Variants in NT5C observed in about 807,000 individuals in gnomAD.
NT5C encodes 5', 3'-nucleotidase, cytosolic, also known as 5'(3')-deoxyribonucleotidase, cytosolic type.
In NT5C, 14 loss-of-function variants were observed where a neutral mutation model predicts 17.6. That is an observed-to-expected ratio of 0.79 (90% CI 0.52 to 1.24). The LOEUF (loss-of-function observed/expected upper bound fraction) is 1.24, where lower values mean the gene tolerates loss of function less well. Among genes scored for constraint, NT5C ranks in the 50% most tolerant of loss-of-function variants. The probability of loss-of-function intolerance (pLI) is 0.00; values close to 1 mark genes in which losing one functional copy is unlikely to be tolerated. For synonymous variants in NT5C, 153 were observed against 119.2 expected, an observed-to-expected ratio of 1.28 and a Z score of -1.85; for missense variants, 328 against 278.3, an observed-to-expected ratio of 1.18 and a Z score of -1.27.
At position 75,131,615 on chromosome 17, in the gene NT5C, A is replaced by G. The variant is rs1568023155; in HGVS notation, c.93T>C (p.Pro31=). The G allele has an allele frequency of 4.3e-6, 6 of 1,387,364 alleles. No individual in the cohort carries two copies. Among genetic ancestry groups the G allele is most frequent in the Non-Finnish European group, 4.7e-6 (5 of 1,075,124 alleles). 85.9% of individuals were successfully genotyped at this position (1,387,364 alleles called of 1,614,324 possible). The stretch of plus-strand genomic sequence containing the variant: ...GCTCCAGCGGCACGTGCGGCTCCTC[A>G]GGGAAGCGGCGGCGGAAGCCCCGCA... ...GLLRGFRRRF[P]EEPHVPLEQR... The change falls in exon 1 of 5, where the codon CCT becomes CCC. Residue 31 remains proline (P), a synonymous_variant. Transcript: ENST00000245552.
chr17:75,130,312 C>T lies in NT5C; in HGVS notation c.*176G>A, dbSNP rs2074095669. On this transcript the variant is annotated 3_prime_UTR_variant, in exon 5 of 5. Transcript: ENST00000245552. The stretch of plus-strand genomic sequence containing the variant: ...CAGCCAGGGTCCAGGGACAGCCTCT[C>T]GGGAGGTACCGGGTGGCTGGGCCTG... 1 of 698,116 alleles carries T rather than the reference C, an allele frequency of 1.4e-6. No individual in the cohort carries two copies. 43.2% of individuals were successfully genotyped at this position (698,116 alleles called of 1,614,324 possible). A position where few individuals can be genotyped will look rare whatever the true frequency, so the allele number is the denominator to read the frequency against.
intron 1 of NT5C, 25 bp downstream of exon 1, chr17:75,131,509 C>G: frequency 7.1e-7 from 1 of 1,417,306 alleles, no homozygotes; most frequent in Non-Finnish European, 9.2e-7. Flanking sequence ...GGGCCCTGCC[C>G]GGGTGGGGAC....
At position 75,130,733 on chromosome 17, in the gene NT5C, C is replaced by T. The variant is rs372767090; in HGVS notation, c.451+20G>A. ...GGGCAGGCCAGAGGCCTGGAGGCTG[C>T]CAAGGATAACGGGTCCAACCTCGAA... is the stretch of plus-strand genomic sequence containing the variant. On this transcript the variant is annotated intron_variant, in intron 4 of 4. Transcript: ENST00000245552. 2 of 1,613,790 alleles carry T rather than the reference C, an allele frequency of 1.2e-6. No homozygotes were observed. The highest frequency in any genetic ancestry group is 2.2e-5 in the East Asian group (1 of 44,884).
chr17:75,131,485 G>A (rs1217123914), intron 1 of NT5C, 49 bp downstream of exon 1: 1 of 1,433,016 alleles, frequency 7.0e-7, no homozygotes, highest in East Asian at 2.5e-5. Context: ...GGAGACCCCC[G>A]GAACGGAGCG....
In NT5C at chr17:75,131,669, G is replaced by A. The variant is rs777353709; in HGVS notation, c.39C>T (p.Gly13=). The part of the protein sequence containing the change: ...RSVRVLVDMD[G]VLADFEAGLL... ...GGCCGGCCTCGAAGTCGGCCAGGACGCCGTCCATGTCCACCAGCACGCGCA... is the reference window on the plus strand; with the variant it reads ...GGCCGGCCTCGAAGTCGGCCAGGACACCGTCCATGTCCACCAGCACGCGCA... The change falls in exon 1 of 5, where the codon GGC becomes GGT. Residue 13 remains glycine (G), a synonymous_variant. Coordinates refer to ENST00000245552, the MANE Select transcript of NT5C (RefSeq NM_014595.3). The A allele has an allele frequency of 5.9e-5, 79 of 1,336,778 alleles. No individual in the cohort carries two copies. The African/African-American group carries it at 6.4e-4, about 11-fold the overall frequency. 82.8% of individuals were successfully genotyped at this position (1,336,778 alleles called of 1,614,324 possible). A position where few individuals can be genotyped will look rare whatever the true frequency, so the allele number is the denominator to read the frequency against.
At chr17:75,130,724 T>C in intron 4 of NT5C, 29 bp downstream of exon 4, 1 of 1,613,884 alleles carries the variant, frequency 6.2e-7, no homozygotes, top group Non-Finnish European at 8.5e-7. Context: ...GCCAGAGGCC[T>C]GGAGGCTGCC....
In NT5C at chr17:75,131,170, TCTC is replaced by T. The variant is rs766429585; in HGVS notation, c.275+8_275+10del. The T allele has an allele frequency of 1.2e-6, 2 of 1,612,652 alleles. No homozygotes were observed. The highest frequency in any genetic ancestry group is 2.7e-5 in the African/African-American group (2 of 74,838). On this transcript the variant is annotated splice_region_variant and intron_variant, in intron 2 of 4. Coordinates refer to ENST00000245552, the MANE Select transcript of NT5C (RefSeq NM_014595.3). ...CCGCCCAGGACTCCGCCCGCCCCCC[TCTC>T]TCCTTACTCCGGTAGGTCGTTCATC...
chr17:75,130,548 G>C lies in NT5C; in HGVS notation c.546C>G (p.Ser182=). The C allele has an allele frequency of 6.2e-7, 1 of 1,614,200 alleles. No homozygotes were observed. The highest frequency in any genetic ancestry group is 8.5e-7 in the Non-Finnish European group (1 of 1,180,038). The change falls in exon 5 of 5, where the codon TCC becomes TCG. Residue 182 remains serine, a synonymous_variant. Coordinates refer to ENST00000245552, the MANE Select transcript of NT5C (RefSeq NM_014595.3). ...AGATCTCCCTCCAGTTGTCACTCCA[G>C]GAGAGCAGCCGTCTCCTTGTCGGGG... ...VLPPTRRRLL[S]WSDNWREILD...
At chr17:75,131,446 G>A (rs1035545629) in intron 1 of NT5C, 88 bp downstream of exon 1, 3 of 1,416,322 alleles carry the variant, frequency 2.1e-6, no homozygotes, top group African/African-American at 2.9e-5. Context: ...GTTCCAGGGT[G>A]AGAGCTCTGC....
chr17:75,130,503 A>G lies in NT5C; in HGVS notation c.591T>C (p.Ala197=). The part of the protein sequence containing the change: ...WREILDSKRG[A]AQRE ...GCATCCCCGCTCATTCCCGCTGCGC[A>G]GCTCCGCGCTTGCTATCTAAGATCT... Residue 197 remains alanine, a synonymous_variant, in exon 5 of 5, where the codon GCT becomes GCC. Transcript: ENST00000245552. 6.2e-7 allele frequency: 1 copy of G among 1,613,964 alleles called. No homozygotes were observed. Among genetic ancestry groups the G allele is most frequent in the Non-Finnish European group, 8.5e-7 (1 of 1,179,948 alleles).
rs1325198398 is a variant in NT5C at position 75,130,537 on chromosome 17, T to G, written c.557A>C (p.Asn186Thr). Residue 186 changes from asparagine (N) to threonine (T), a missense_variant, in exon 5 of 5, where the codon AAC becomes ACC. Asn to Thr is a moderately conservative substitution (Grantham distance 65). Coordinates refer to ENST00000245552, the MANE Select transcript of NT5C (RefSeq NM_014595.3). ...TRRRLLSWSD[N>T]WREILDSKRG... is the part of the protein sequence containing the mutation. ...CTTGCTATCTAAGATCTCCCTCCAG[T>G]TGTCACTCCAGGAGAGCAGCCGTCT... is the stretch of plus-strand genomic sequence containing the variant. 6.2e-7 allele frequency: 1 copy of G among 1,614,156 alleles called. No homozygotes were observed. The highest frequency in any genetic ancestry group is 1.1e-5 in the South Asian group (1 of 91,090).
chr17:75,131,204 C>T lies in NT5C; in HGVS notation c.252G>A (p.Val84=). ...ACTCCGGTAGGTCGTTCATCTCCCGCACAGCGTCCAAGGCTCCCGGGATGG... is the reference window on the plus strand; with the variant it reads ...ACTCCGGTAGGTCGTTCATCTCCCGTACAGCGTCCAAGGCTCCCGGGATGG... The part of the protein sequence containing the change: ...LEPIPGALDA[V]REMNDLPDTQ... The change falls in exon 2 of 5, where the codon GTG becomes GTA. Residue 84 remains valine, a synonymous_variant. Coordinates refer to ENST00000245552, the MANE Select transcript of NT5C (RefSeq NM_014595.3). The T allele has an allele frequency of 1.2e-6, 2 of 1,613,910 alleles. No homozygotes were observed. The highest frequency in any genetic ancestry group is 1.7e-6 in the Non-Finnish European group (2 of 1,180,026).
rs896147757 is a variant in NT5C at position 75,130,474 on chromosome 17, C to T, written c.*14G>A. ...CCTTCCTTTAGCTCCAGCTGCTGCC[C>T]GCGGCATCCCCGCTCATTCCCGCTG... On this transcript the variant is annotated 3_prime_UTR_variant, in exon 5 of 5. Transcript: ENST00000245552. The T allele has an allele frequency of 2.5e-6, 4 of 1,613,060 alleles. No individual in the cohort carries two copies. Among genetic ancestry groups the T allele is most frequent in the African/African-American group, 1.3e-5 (1 of 75,054 alleles).
intron 3 of NT5C, 31 bp downstream of exon 3, chr17:75,131,014 C>A: frequency 6.2e-7 from 1 of 1,609,286 alleles, no homozygotes; most frequent in East Asian, 2.2e-5. Flanking sequence ...TAGGCAGCTC[C>A]ACGTGCGGAG....
At chr17:75,130,680 G>A (rs771049681) in intron 4 of NT5C, 38 bp from the exon 5 acceptor site, 2 of 1,613,864 alleles carry the variant, frequency 1.2e-6, no homozygotes. Context: ...CATCTGTCAT[G>A]GGTATTATTA....
intron 3 of NT5C, 58 bp downstream of exon 3, chr17:75,130,987 T>C: frequency 1.2e-6 from 2 of 1,601,774 alleles, no homozygotes; most frequent in Non-Finnish European, 1.7e-6. Context: ...TGGTGGTTTC[T>C]TTTTAAAATC....
At position 75,131,198 on chromosome 17, in the gene NT5C, C is replaced by T. The variant is rs150102922; in HGVS notation, c.258G>A (p.Glu86=). 1 of 1,613,844 alleles carries T rather than the reference C, an allele frequency of 6.2e-7. No homozygotes were observed. Among genetic ancestry groups the T allele is most frequent in the Non-Finnish European group, 8.5e-7 (1 of 1,180,020 alleles). The change falls in exon 2 of 5, where the codon GAG becomes GAA. Residue 86 remains glutamate, a synonymous_variant. Coordinates refer to ENST00000245552, the MANE Select transcript of NT5C (RefSeq NM_014595.3). Reference sequence around the variant, plus strand: ...CTCCTTACTCCGGTAGGTCGTTCATCTCCCGCACAGCGTCCAAGGCTCCCG... The same window carrying T: ...CTCCTTACTCCGGTAGGTCGTTCATTTCCCGCACAGCGTCCAAGGCTCCCG... ...PIPGALDAVR[E]MNDLPDTQVF...
chr17:75,131,202 C>T lies in NT5C; in HGVS notation c.254G>A (p.Arg85Gln). 1.2e-6 allele frequency: 2 copies of T among 1,613,890 alleles called. No homozygotes were observed. The highest frequency in any genetic ancestry group is 8.5e-7 in the Non-Finnish European group (1 of 1,180,012). Reference protein sequence around the residue: ...EPIPGALDAVREMNDLPDTQV... With the variant: ...EPIPGALDAVQEMNDLPDTQV... ...TTACTCCGGTAGGTCGTTCATCTCC[C>T]GCACAGCGTCCAAGGCTCCCGGGAT... The change falls in exon 2 of 5, where the codon CGG (arginine) becomes CAG (glutamine). Residue 85 changes from arginine to glutamine, a missense_variant. Transcript: ENST00000245552.
rs867604767 is a variant in NT5C at position 75,131,203 on chromosome 17, G to A, written c.253C>T (p.Arg85Trp). The A allele has an allele frequency of 6.2e-7, 1 of 1,613,836 alleles. No homozygotes were observed. Among genetic ancestry groups the A allele is most frequent in the Non-Finnish European group, 8.5e-7 (1 of 1,180,020 alleles). ...EPIPGALDAV[R>W]EMNDLPDTQV... Reference sequence around the variant, plus strand: ...TACTCCGGTAGGTCGTTCATCTCCCGCACAGCGTCCAAGGCTCCCGGGATG... The same window carrying A: ...TACTCCGGTAGGTCGTTCATCTCCCACACAGCGTCCAAGGCTCCCGGGATG... The change falls in exon 2 of 5, where the codon CGG (arginine) becomes TGG (tryptophan). Residue 85 changes from arginine (R) to tryptophan (W), a missense_variant. Arg to Trp is a moderately radical substitution (Grantham distance 101). Coordinates refer to ENST00000245552, the MANE Select transcript of NT5C (RefSeq NM_014595.3).
Sources: allele counts gnomAD v4.1 joint callset, GRCh38; gene constraint gnomAD v4.1.1; transcripts MANE v1.5; gene names NCBI Gene and HGNC (gene_info 2026-07-23, HGNC 2026-07-21).